Variants in NCAM2 observed in about 807,000 individuals in gnomAD.
The protein encoded by NCAM2 is N-CAM-2.
Under a neutral mutation model 98.1 loss-of-function variants are expected in NCAM2, and 30 were observed. That is an observed-to-expected ratio of 0.31 (90% CI 0.23 to 0.41). NCAM2 has a LOEUF of 0.41. NCAM2 is among the 10% of genes least tolerant of loss of function. The pLI, the probability that NCAM2 is intolerant of heterozygous loss-of-function variation, is 1.00. For synonymous variants in NCAM2, 368 were observed against 342.4 expected, an observed-to-expected ratio of 1.07 and a Z score of -0.83; for missense variants, 867 against 1,005.8, an observed-to-expected ratio of 0.86 and a Z score of 1.87.
At chr21:21,506,861 A>G (rs1158505288) in intron 15 of NCAM2, among the ~76,000 whole-genome samples, 1 of 152,096 alleles carries the variant, frequency 6.6e-6, no homozygotes, top group Non-Finnish European at 1.5e-5. Flanking sequence ...TTCATGAAAA[A>G]CAAAATAATT....
intron 1 of NCAM2, among the ~76,000 whole-genome samples, chr21:21,159,242 TAAA>T (rs891192990): frequency 1.3e-5 from 2 of 152,084 alleles, no homozygotes; most frequent in Admixed American, 6.6e-5. Flanking sequence ...AGTCAAATTT[TAAA>T]AAATAAAAAA....
intron 9 of NCAM2, among the ~76,000 whole-genome samples, chr21:21,388,665 C>T (rs1223913503): frequency 1.3e-5 from 2 of 152,146 alleles, no homozygotes; most frequent in Non-Finnish European, 2.9e-5. Context: ...CTTTAATTAA[C>T]TTAAATTTAA....
At chr21:21,496,204 C>A (rs1334037903) in intron 15 of NCAM2, among the ~76,000 whole-genome samples, 1 of 151,818 alleles carries the variant, frequency 6.6e-6, no homozygotes, top group African/African-American at 2.4e-5. Flanking sequence ...CTGCTTTCCT[C>A]AGTGGCTGGA....
chr21:21,004,666 A>G (rs2064079876), intron 1 of NCAM2, among the ~76,000 whole-genome samples: 1 of 152,236 alleles, frequency 6.6e-6, no homozygotes, highest in African/African-American at 2.4e-5. Flanking sequence ...AACACTAAGT[A>G]GTCTGAGTCC....
chr21:21,309,894 A>G (rs1337020355), intron 5 of NCAM2, among the ~76,000 whole-genome samples: 1 of 152,206 alleles, frequency 6.6e-6, no homozygotes, highest in Non-Finnish European at 1.5e-5. Context: ...ACTGATTCAC[A>G]AAGTCTTGAA....
intron 1 of NCAM2, among the ~76,000 whole-genome samples, chr21:21,211,742 C>T (rs537913664): frequency 3.3e-5 from 5 of 152,262 alleles, no homozygotes; most frequent in South Asian, 4.2e-4. Context: ...ATGTCCCTTT[C>T]GTTTATTTCT....
chr21:21,142,377 G>GTTTTTTTTTTT (rs10686568), intron 1 of NCAM2, among the ~76,000 whole-genome samples: 3 of 107,176 alleles, frequency 2.8e-5, no homozygotes, highest in Non-Finnish European at 5.1e-5. Context: ...TTTTTTTTAT[G>GTTTTTTTTTTT]TTTTTTTTTT....
intron 1 of NCAM2, among the ~76,000 whole-genome samples, chr21:21,246,916 G>A (rs1323916896): frequency 6.6e-6 from 1 of 152,166 alleles, no homozygotes; most frequent in African/African-American, 2.4e-5. Flanking sequence ...GGGCTAGCAT[G>A]TGAATTATTG....
chr21:21,357,566 T>G (rs897297870), intron 8 of NCAM2, among the ~76,000 whole-genome samples: 1 of 152,060 alleles, frequency 6.6e-6, no homozygotes, highest in Admixed American at 6.6e-5. Context: ...AACTAAAATA[T>G]AAAAAAGTGG....
In NCAM2 at chr21:21,042,166, G is replaced by A. The variant is rs910848169; in HGVS notation, c.55+43548G>A. 3.3e-5 allele frequency among the ~76,000 whole-genome samples: 5 copies of A among 152,106 alleles called. No homozygotes were observed. In the East Asian group the frequency reaches 9.6e-4, roughly 29 times the overall value. ...AATAGACTGCTCTGTGGAATAAATA[G>A]AAATATCTCTACTTGCTTTCTGGGG... On this transcript the variant is annotated intron_variant, in intron 1 of 17. Transcript: ENST00000400546.
intron 12 of NCAM2, among the ~76,000 whole-genome samples, chr21:21,452,128 G>C (rs1981178992): frequency 6.7e-6 from 1 of 149,196 alleles, no homozygotes; most frequent in Non-Finnish European, 1.5e-5. Context: ...GTAATTTTCA[G>C]GAGGTTTTTT....
chr21:21,240,379 A>T (rs1297778602), intron 1 of NCAM2, among the ~76,000 whole-genome samples: 4 of 151,934 alleles, frequency 2.6e-5, no homozygotes, highest in Admixed American at 1.3e-4. Context: ...TGCTAAAAAA[A>T]AAAAAAGCAA....
At chr21:21,429,037 T>C (rs557086228) in intron 11 of NCAM2, among the ~76,000 whole-genome samples, 16 of 152,208 alleles carry the variant, frequency 1.1e-4, no homozygotes, top group African/African-American at 3.9e-4. Context: ...GTTGGACTTA[T>C]AAAACCAAAA....
At chr21:21,280,812 C>T (rs754578545) in intron 2 of NCAM2, among the ~76,000 whole-genome samples, 160 bp downstream of exon 2, 15 of 152,090 alleles carry the variant, frequency 9.9e-5, no homozygotes, top group South Asian at 2.1e-4. Context: ...GACAGAGCCT[C>T]GCTCTGTCTC....
At chr21:21,402,501 T>G (rs907404380) in intron 9 of NCAM2, among the ~76,000 whole-genome samples, 1 of 152,164 alleles carries the variant, frequency 6.6e-6, no homozygotes, top group African/African-American at 2.4e-5. Flanking sequence ...ATCAAGACAA[T>G]ACGTGCAATG....
rs1252457664 is a variant in NCAM2, at chr21:21,543,078, C to A, written c.*5121C>A. On this transcript the variant is annotated 3_prime_UTR_variant, in exon 18 of 18. Transcript: ENST00000400546. The stretch of plus-strand genomic sequence containing the variant: ...CTCAGTATGTACTGAAACATACTAT[C>A]TTTTATTTTCTTTAATTTATATATT... 6.6e-5 allele frequency: 10 copies of A among 151,680 alleles called. No homozygotes were observed. In the East Asian group the frequency reaches 1.9e-3, roughly 29 times the overall value. 9.4% of individuals were successfully genotyped at this position (151,680 alleles called of 1,614,324 possible). A position where few individuals can be genotyped will look rare whatever the true frequency, so the allele number is the denominator to read the frequency against.
chr21:21,026,300 C>T (rs2146204204), intron 1 of NCAM2, among the ~76,000 whole-genome samples: 1 of 152,234 alleles, frequency 6.6e-6, no homozygotes, highest in African/African-American at 2.4e-5. Context: ...AGTTTAAATG[C>T]CTACAATGAA....
In NCAM2 at chr21:21,406,199, A is replaced by C. The variant is rs543814960; in HGVS notation, c.1196-4075A>C. Among the ~76,000 whole-genome samples the C allele has an allele frequency of 7.9e-5, 12 of 152,324 alleles. No individual in the cohort carries two copies. The South Asian group carries it at 2.5e-3, about 32-fold the overall frequency. Reference sequence around the variant, plus strand: ...AATAGAAGAGAGAGATTGAGCTCAAAGCCAAATACAAGGACAAGTTGGAAT... The same window carrying C: ...AATAGAAGAGAGAGATTGAGCTCAACGCCAAATACAAGGACAAGTTGGAAT... On this transcript the variant is annotated intron_variant, in intron 9 of 17. Coordinates refer to ENST00000400546, the MANE Select transcript of NCAM2 (RefSeq NM_004540.5).
intron 1 of NCAM2, among the ~76,000 whole-genome samples, chr21:21,134,432 A>G (rs1294021514): frequency 6.6e-6 from 1 of 151,968 alleles, no homozygotes; most frequent in African/African-American, 2.4e-5. Context: ...CCAGGAGTGT[A>G]GGCCTTCATG....
Sources: allele counts gnomAD v4.1 joint callset (sites outside exome capture counted in the v4.1 genomes callset), GRCh38; gene constraint gnomAD v4.1.1; transcripts MANE v1.5; gene names NCBI Gene and HGNC (gene_info 2026-07-23, HGNC 2026-07-21).